The following SOX6 variants were observed in gnomAD, a reference collection of about 807,000 sequenced individuals.
SOX6 encodes the protein SRY-box transcription factor 6, also known as transcription factor SOX-6.
SOX6 carries 11 observed loss-of-function variants against 97.8 expected under a neutral mutation model. The ratio of observed to expected loss-of-function variants is 0.11; its 90% CI spans 0.07 to 0.19. The LOEUF is 0.19. Ranked by LOEUF, SOX6 falls within the 10% of genes least tolerant of loss-of-function variation. SOX6 has a pLI of 1.00. For missense variants in SOX6, 810 were observed against 1,039.5 expected (o/e 0.78, Z 3.04); for synonymous variants, 360 against 371.4 (o/e 0.97, Z 0.35).
chr11:16,384,995 A>AT (rs1341686621), intron 1 of SOX6, among the ~76,000 whole-genome samples: 1 of 152,044 alleles, frequency 6.6e-6, no homozygotes, highest in African/African-American at 2.4e-5. Context: ...CTGTTTCTTC[A>AT]TTAATCAGAG....
intron 3 of SOX6, among the ~76,000 whole-genome samples, chr11:16,280,518 C>T (rs1207261414): frequency 2.0e-5 from 3 of 151,960 alleles, no homozygotes; most frequent in Admixed American, 6.6e-5. Flanking sequence ...TGTGGCAAAC[C>T]GCCAACACAT....
chr11:15,992,677 A>G (rs1854091666), intron 13 of SOX6, among the ~76,000 whole-genome samples: 1 of 152,156 alleles, frequency 6.6e-6, no homozygotes, highest in South Asian at 2.1e-4. Flanking sequence ...CTGAATTAAC[A>G]CCTGGGTAAT....
At chr11:16,446,928 C>T (rs530203818) in intron 1 of SOX6, among the ~76,000 whole-genome samples, 15 of 141,486 alleles carry the variant, frequency 1.1e-4, no homozygotes, top group African/African-American at 3.4e-4. Flanking sequence ...TTCTTTCTTT[C>T]TGTTTCTTTC....
rs897063069 is a variant in SOX6 at position 16,607,607 on chromosome 11, G to A, written n.609+4474C>T. 6.6e-6 allele frequency: 1 copy of A among 152,336 alleles called. No homozygotes were observed. Among genetic ancestry groups the A allele is most frequent in the African/African-American group, 2.4e-5 (1 of 41,460 alleles). 9.4% of individuals were successfully genotyped at this position (152,336 alleles called of 1,614,324 possible). On this transcript the variant is annotated intron_variant and non_coding_transcript_variant, in intron 4 of 5. Transcript: ENST00000524520. The surrounding 1 kb of genome is among the most constrained non-coding windows in gnomAD (Gnocchi z 6.5). ...CGCAGAGCGGCAGAAGTTTGCCGCC[G>A]GGGTTCCAGGAGGTGCGCGCGGAGC...
upstream of SOX6, among the ~76,000 whole-genome samples, chr11:16,360,045 T>G (rs1857169984): frequency 6.6e-6 from 1 of 152,216 alleles, no homozygotes; most frequent in Admixed American, 6.5e-5. Flanking sequence ...TACACTATAC[T>G]TCTAATGATA....
chr11:16,258,419 A>T (rs1853762628), intron 3 of SOX6, among the ~76,000 whole-genome samples: 1 of 152,060 alleles, frequency 6.6e-6, no homozygotes, highest in African/African-American at 2.4e-5. Flanking sequence ...ACGCGAAGGA[A>T]ACTTAAATGC....
At chr11:16,526,130 C>A (rs1479389406) in intron 4 of SOX6, among the ~76,000 whole-genome samples, 1 of 152,160 alleles carries the variant, frequency 6.6e-6, no homozygotes, top group Non-Finnish European at 1.5e-5. Context: ...CATCCCATTC[C>A]TGGGTATATA....
intron 1 of SOX6, among the ~76,000 whole-genome samples, chr11:16,376,008 T>C (rs1054007148): frequency 3.3e-5 from 5 of 151,820 alleles, no homozygotes; most frequent in African/African-American, 1.2e-4. Context: ...GAGGGAAACA[T>C]CACACAATGG....
At chr11:16,339,647 C>T (rs1028595430) in intron 2 of SOX6, among the ~76,000 whole-genome samples, 6 of 151,890 alleles carry the variant, frequency 4.0e-5, no homozygotes, top group African/African-American at 1.4e-4. Context: ...TTTCTATTCC[C>T]TCTCCCAGAC....
intron 12 of SOX6, among the ~76,000 whole-genome samples, chr11:16,030,560 T>A (rs930505925): frequency 2.4e-4 from 36 of 152,132 alleles, no homozygotes; most frequent in Non-Finnish European, 8.8e-5. Flanking sequence ...CTTTTAAAAT[T>A]ATATAAACTT....
At chr11:16,108,508 C>T (rs547314519) in intron 7 of SOX6, among the ~76,000 whole-genome samples, 16 of 152,264 alleles carry the variant, frequency 1.1e-4, no homozygotes, top group South Asian at 4.1e-4. Flanking sequence ...ATCTATCTTA[C>T]TCTTGATTGG....
intron 2 of SOX6, among the ~76,000 whole-genome samples, chr11:16,324,623 T>C (rs1300169864): frequency 6.6e-6 from 1 of 152,170 alleles, no homozygotes; most frequent in African/African-American, 2.4e-5. Context: ...ATGGGGTACA[T>C]GTGATGTTTT....
intron 4 of SOX6, among the ~76,000 whole-genome samples, chr11:16,487,562 G>C (rs772146214): frequency 2.6e-5 from 4 of 152,172 alleles, no homozygotes; most frequent in African/African-American, 4.8e-5. Context: ...TGGAGTAACA[G>C]TAGAGTGGCA....
intron 1 of SOX6, among the ~76,000 whole-genome samples, chr11:16,374,298 C>T (rs1565119359): frequency 6.6e-6 from 1 of 152,034 alleles, no homozygotes; most frequent in African/African-American, 2.4e-5. Context: ...CAGGAACTCA[C>T]ATCTTTTTTA....
intron 12 of SOX6, among the ~76,000 whole-genome samples, chr11:16,040,552 A>T (rs1258456053): frequency 6.6e-6 from 1 of 152,070 alleles, no homozygotes; most frequent in East Asian, 1.9e-4. Flanking sequence ...ACACTATCGC[A>T]AGTATAAATA....
At chr11:16,630,301 T>G (rs1848687500) in intron 3 of SOX6, among the ~76,000 whole-genome samples, 2 of 152,178 alleles carry the variant, frequency 1.3e-5, no homozygotes, top group African/African-American at 4.8e-5. Context: ...CTGTTTTCAT[T>G]TTTTTCAAAT....
intron 6 of SOX6, among the ~76,000 whole-genome samples, chr11:16,165,614 T>C (rs566213332): frequency 2.6e-5 from 4 of 152,108 alleles, no homozygotes; most frequent in Non-Finnish European, 4.4e-5. Context: ...TGACGAATCC[T>C]AGGCCAGGTG....
intron 3 of SOX6, among the ~76,000 whole-genome samples, chr11:16,674,246 T>G (rs547683056): frequency 1.3e-5 from 2 of 148,430 alleles, no homozygotes; most frequent in East Asian, 4.0e-4. Flanking sequence ...ACCACGAGGA[T>G]GCAAGGATCT....
chr11:16,244,866 C>A (rs1319615373), intron 3 of SOX6, among the ~76,000 whole-genome samples: 1 of 151,584 alleles, frequency 6.6e-6, no homozygotes, highest in East Asian at 1.9e-4. Flanking sequence ...ATTGTTGCAG[C>A]CTTACAATAA....
Sources: allele counts gnomAD v4.1 joint callset (sites outside exome capture counted in the v4.1 genomes callset), GRCh38; gene constraint gnomAD v4.1.1; non-coding constraint Gnocchi (gnomAD v3.1); transcripts MANE v1.5; gene names NCBI Gene and HGNC (gene_info 2026-07-23, HGNC 2026-07-21).